Variants in ZNF865 observed in about 807,000 individuals in gnomAD.
The protein encoded by ZNF865 is zinc finger protein 865.
For synonymous variants in ZNF865, 763 were observed against 750.8 expected (o/e 1.02, Z -0.27); for missense variants, 1,311 against 1,593.4 (o/e 0.82, Z 3.02).
chr19:55,616,676 T>G lies in ZNF865; in HGVS notation c.3058T>G (p.Ser1020Ala), dbSNP rs1277189975. ...CCAGGGCGGCCGGCCCTTCCGCTGC[T>G]CCTCCTGCGGCGAGGGCTTCGCCAA... ...AHQGGRPFRC[S>A]SCGEGFANTY... The change falls in exon 2 of 2, where the codon TCC (serine) becomes GCC (alanine). Residue 1020 changes from serine to alanine, a missense_variant. Ser to Ala is a moderately conservative substitution (Grantham distance 99). Coordinates refer to ENST00000568956, the MANE Select transcript of ZNF865 (RefSeq NM_001195605.2). 6.5e-7 allele frequency: 1 copy of G among 1,530,080 alleles called. No homozygotes were observed. The highest frequency in any genetic ancestry group is 8.7e-7 in the Non-Finnish European group (1 of 1,144,342). The allele number at this position is 1,530,080 out of a possible 1,614,324, so 94.8% of individuals were successfully genotyped here.
At position 55,616,079 on chromosome 19, in the gene ZNF865, G is replaced by T. The variant is rs755151926; in HGVS notation, c.2461G>T (p.Gly821Cys). Residue 821 changes from glycine (G) to cysteine (C), a missense_variant, in exon 2 of 2, where the codon GGC (glycine) becomes TGC (cysteine). By Grantham distance (159) the Gly-to-Cys change is radical (BLOSUM62 -3). Coordinates refer to ENST00000568956, the MANE Select transcript of ZNF865 (RefSeq NM_001195605.2). ...KYVHLVRRTL[G>C]CGLCGQSFAG... ...CGTGCACCTGGTGCGACGGACCCTG[G>T]GCTGCGGCCTCTGCGGCCAGAGCTT... 6.7e-6 allele frequency: 10 copies of T among 1,501,152 alleles called. No homozygotes were observed. Among genetic ancestry groups the T allele is most frequent in the African/African-American group, 2.8e-5 (2 of 70,742 alleles). The allele number at this position is 1,501,152 out of a possible 1,614,324, so 93.0% of individuals were successfully genotyped here.
chr19:55,617,047 A>C lies in ZNF865; in HGVS notation c.*249A>C. 1 of 406,752 alleles carries C rather than the reference A, an allele frequency of 2.5e-6. No individual in the cohort carries two copies. The highest frequency in any genetic ancestry group is 2.1e-5 in the African/African-American group (1 of 48,328). The allele number at this position is 406,752 out of a possible 1,614,324, so 25.2% of individuals were successfully genotyped here. ...CGTCCAACCCTCGTTTGTGACCCGC[A>C]TCAGCCCCCGCCCCAGCAGCACTCT... On this transcript the variant is annotated 3_prime_UTR_variant, in exon 2 of 2. Coordinates refer to ENST00000568956, the MANE Select transcript of ZNF865 (RefSeq NM_001195605.2).
rs1980908779 is a variant in ZNF865, at chr19:55,605,674, C to G, written c.-85C>G. The stretch of plus-strand genomic sequence containing the variant: ...TTCCGGTCGGGCCCTCGGGTCTCCC[C>G]GGAGCGGCGGCGCCTCCTCCGCCTC... On this transcript the variant is annotated 5_prime_UTR_variant, in exon 1 of 2. Coordinates refer to ENST00000568956, the MANE Select transcript of ZNF865 (RefSeq NM_001195605.2). 6.6e-6 allele frequency: 1 copy of G among 151,940 alleles called. No homozygotes were observed. The highest frequency in any genetic ancestry group is 1.5e-5 in the Non-Finnish European group (1 of 67,932). The allele number at this position is 151,940 out of a possible 1,614,324, so 9.4% of individuals were successfully genotyped here.
intron 1 of ZNF865, chr19:55,612,401 T>C (rs1314468581): frequency 5.3e-5 from 8 of 152,262 alleles, no homozygotes; most frequent in African/African-American, 1.4e-4. Context: ...ATTAAAAGAG[T>C]GCACTCCCCA....
intron 1 of ZNF865, among the ~76,000 whole-genome samples, chr19:55,609,059 T>C (rs1981042262): frequency 1.3e-5 from 2 of 152,210 alleles, no homozygotes; most frequent in Admixed American, 6.5e-5. Flanking sequence ...AGTCTCACTC[T>C]GTCACCCAGG....
Position 55,615,706 on chromosome 19 carries a change from A to G in ZNF865, c.2088A>G (p.Pro696=), listed in dbSNP as rs375898663. 1.2e-5 allele frequency: 19 copies of G among 1,533,890 alleles called. No homozygotes were observed. Among genetic ancestry groups the G allele is most frequent in the Non-Finnish European group, 1.6e-5 (18 of 1,146,094 alleles). The change falls in exon 2 of 2, where the codon CCA becomes CCG. Residue 696 remains proline (P), a synonymous_variant. Coordinates refer to ENST00000568956, the MANE Select transcript of ZNF865 (RefSeq NM_001195605.2). ...SHKEVHMAEK[P]YGCDACGKTF... Reference sequence around the variant, plus strand: ...AGGAGGTCCACATGGCAGAGAAGCCATACGGCTGCGACGCCTGCGGCAAGA... The same window carrying G: ...AGGAGGTCCACATGGCAGAGAAGCCGTACGGCTGCGACGCCTGCGGCAAGA...
chr19:55,611,138 C>G lies in ZNF865; in HGVS notation c.-26-2455C>G, dbSNP rs924554372. On this transcript the variant is annotated intron_variant, in intron 1 of 1. Coordinates refer to ENST00000568956, the MANE Select transcript of ZNF865 (RefSeq NM_001195605.2). The surrounding 1 kb of genome is among the most constrained non-coding windows in gnomAD (Gnocchi z 4.5). ...GTGACCATGGCAACTCACTTTGCCT[C>G]TCCATGCCTTAGTTTTCTAATTTAT... 2.0e-5 allele frequency among the ~76,000 whole-genome samples: 3 copies of G among 152,164 alleles called. No homozygotes were observed. Among genetic ancestry groups the G allele is most frequent in the African/African-American group, 7.2e-5 (3 of 41,436 alleles).
rs1035827113 is a variant in ZNF865, at chr19:55,605,683, G to A, written c.-76G>A. On this transcript the variant is annotated 5_prime_UTR_variant, in exon 1 of 2. Transcript: ENST00000568956. ...GGCCCTCGGGTCTCCCCGGAGCGGC[G>A]GCGCCTCCTCCGCCTCCTCGGCCTC... 6.6e-6 allele frequency: 1 copy of A among 152,002 alleles called. No individual in the cohort carries two copies. The highest frequency in any genetic ancestry group is 2.4e-5 in the African/African-American group (1 of 41,388). 9.4% of individuals were successfully genotyped at this position (152,002 alleles called of 1,614,324 possible). A position where few individuals can be genotyped will look rare whatever the true frequency, so the allele number is the denominator to read the frequency against.
rs1981304707 is a variant in ZNF865, at chr19:55,615,150, C to T, written c.1532C>T (p.Ala511Val). 3.3e-6 allele frequency: 4 copies of T among 1,218,494 alleles called. No individual in the cohort carries two copies. The highest frequency in any genetic ancestry group is 1.6e-5 in the African/African-American group (1 of 61,262). 75.5% of individuals were successfully genotyped at this position (1,218,494 alleles called of 1,614,324 possible). The change falls in exon 2 of 2, where the codon GCG (alanine) becomes GTG (valine). Residue 511 changes from alanine (A) to valine (V), a missense_variant. Ala to Val is a moderately conservative substitution (Grantham distance 64, BLOSUM62 0). Transcript: ENST00000568956. ...TDSEKAAAAAAAVVYGAVPVP... is the reference protein window; with the variant it reads ...TDSEKAAAAAVAVVYGAVPVP... Reference sequence around the variant, plus strand: ...AGCGAGAAGGCGGCGGCGGCCGCGGCGGCGGTGGTGTACGGCGCTGTGCCC... The same window carrying T: ...AGCGAGAAGGCGGCGGCGGCCGCGGTGGCGGTGGTGTACGGCGCTGTGCCC...
At position 55,614,967 on chromosome 19, in the gene ZNF865, A is replaced by G. The variant is rs1490982280; in HGVS notation, c.1349A>G (p.Tyr450Cys). 6.9e-7 allele frequency: 1 copy of G among 1,446,942 alleles called. No homozygotes were observed. Among genetic ancestry groups the G allele is most frequent in the East Asian group, 2.9e-5 (1 of 35,052 alleles). 89.6% of individuals were successfully genotyped at this position (1,446,942 alleles called of 1,614,324 possible). Reference sequence around the variant, plus strand: ...CCCTGCGACCTGTGCGGCAAGTCCTACTCGGCTCCGCAGAGCCTGCTCCGC... The same window carrying G: ...CCCTGCGACCTGTGCGGCAAGTCCTGCTCGGCTCCGCAGAGCCTGCTCCGC... ...VYPCDLCGKSYSAPQSLLRHK... is the reference protein window; with the variant it reads ...VYPCDLCGKSCSAPQSLLRHK... The change falls in exon 2 of 2, where the codon TAC becomes TGC. Residue 450 changes from tyrosine to cysteine, a missense_variant. Physicochemically the swap from Tyr to Cys is radical, Grantham distance 194 (BLOSUM62 -2). Coordinates refer to ENST00000568956, the MANE Select transcript of ZNF865 (RefSeq NM_001195605.2). The surrounding 1 kb of genome is among the most constrained non-coding windows in gnomAD (Gnocchi z 8.0).
rs1225255678 is a variant in ZNF865 at position 55,614,146 on chromosome 19, G to C, written c.528G>C (p.Gly176=). 6.9e-7 allele frequency: 1 copy of C among 1,441,284 alleles called. No homozygotes were observed. The highest frequency in any genetic ancestry group is 1.5e-5 in the African/African-American group (1 of 67,362). 89.3% of individuals were successfully genotyped at this position (1,441,284 alleles called of 1,614,324 possible). Residue 176 remains glycine, a synonymous_variant, in exon 2 of 2, where the codon GGG becomes GGC. Coordinates refer to ENST00000568956, the MANE Select transcript of ZNF865 (RefSeq NM_001195605.2). The surrounding 1 kb of genome is among the most constrained non-coding windows in gnomAD (Gnocchi z 8.0). ...GPASGPGVTP[G]LGAPAGAPGP... is the part of the protein sequence containing the mutation. ...CGTCCGGGCCGGGGGTGACGCCTGGGCTGGGCGCTCCCGCGGGGGCCCCAG... is the reference window on the plus strand; with the variant it reads ...CGTCCGGGCCGGGGGTGACGCCTGGCCTGGGCGCTCCCGCGGGGGCCCCAG...
Position 55,607,876 on chromosome 19 carries a change from A to G in ZNF865, c.-27+2144A>G, listed in dbSNP as rs765586299. 5.9e-5 allele frequency among the ~76,000 whole-genome samples: 9 copies of G among 152,280 alleles called. No individual in the cohort carries two copies. In the South Asian group the frequency reaches 6.2e-4, roughly 11 times the overall value. ...AATCACTCCCTCCTTTCCTAGCCTC[A>G]TTCATTCACTTCTTCAAACAAAAAT... On this transcript the variant is annotated intron_variant, in intron 1 of 1. Transcript: ENST00000568956.
chr19:55,610,536 C>G (rs563661458), intron 1 of ZNF865, among the ~76,000 whole-genome samples: 2 of 152,346 alleles, frequency 1.3e-5, no homozygotes, highest in East Asian at 3.9e-4. Flanking sequence ...GCCGGGATTA[C>G]AGGTGTGGGC....
rs375898663 is a variant in ZNF865, at chr19:55,615,706, A to C, written c.2088A>C (p.Pro696=). ...SHKEVHMAEK[P]YGCDACGKTF... ...AGGAGGTCCACATGGCAGAGAAGCCATACGGCTGCGACGCCTGCGGCAAGA... is the reference window on the plus strand; with the variant it reads ...AGGAGGTCCACATGGCAGAGAAGCCCTACGGCTGCGACGCCTGCGGCAAGA... Residue 696 remains proline (P), a synonymous_variant, in exon 2 of 2, where the codon CCA becomes CCC. Coordinates refer to ENST00000568956, the MANE Select transcript of ZNF865 (RefSeq NM_001195605.2). 7.0e-5 allele frequency: 108 copies of C among 1,533,890 alleles called. No individual in the cohort carries two copies. In the South Asian group the frequency reaches 7.2e-4, roughly 10 times the overall value.
Position 55,613,626 on chromosome 19 carries a change from C to A in ZNF865, c.8C>A (p.Ala3Glu). Residue 3 changes from alanine to glutamate, a missense_variant, in exon 2 of 2, where the codon GCG becomes GAG. Coordinates refer to ENST00000568956, the MANE Select transcript of ZNF865 (RefSeq NM_001195605.2). ME[A>E]NPAGSGAGGG... ...GTCTCCCACCCGCCGGAGATGGAGG[C>A]GAACCCAGCGGGCAGCGGCGCCGGG... 2.0e-6 allele frequency: 3 copies of A among 1,517,444 alleles called. No homozygotes were observed. Among genetic ancestry groups the A allele is most frequent in the Non-Finnish European group, 2.6e-6 (3 of 1,137,510 alleles). The allele number at this position is 1,517,444 out of a possible 1,614,324, so 94.0% of individuals were successfully genotyped here.
At position 55,616,601 on chromosome 19, in the gene ZNF865, C is replaced by T. The variant is rs1981369333; in HGVS notation, c.2983C>T (p.Leu995Phe). 10 of 1,527,154 alleles carry T rather than the reference C, an allele frequency of 6.5e-6. No individual in the cohort carries two copies. In the East Asian group the frequency reaches 2.5e-4, roughly 37 times the overall value. 94.6% of individuals were successfully genotyped at this position (1,527,154 alleles called of 1,614,324 possible). ...PRPELRCPAC[L>F]KAFKDPGYFR... ...GCCCGAGCTCCGCTGCCCCGCCTGC[C>T]TCAAGGCCTTCAAGGATCCCGGCTA... Residue 995 changes from leucine to phenylalanine, a missense_variant, in exon 2 of 2, where the codon CTC becomes TTC. By Grantham distance (22) the Leu-to-Phe change is conservative. Coordinates refer to ENST00000568956, the MANE Select transcript of ZNF865 (RefSeq NM_001195605.2).
Position 55,613,580 on chromosome 19 carries a change from C to G in ZNF865, c.-26-13C>G, listed in dbSNP as rs1157944451. On this transcript the variant is annotated splice_polypyrimidine_tract_variant and intron_variant, in intron 1 of 1. Transcript: ENST00000568956. ...CCGCGGCCGTGTCCTCAGCCCCGTCCTCCTCTTCACAGGGTCTCCCGTCTC... is the reference window on the plus strand; with the variant it reads ...CCGCGGCCGTGTCCTCAGCCCCGTCGTCCTCTTCACAGGGTCTCCCGTCTC... 5.4e-6 allele frequency: 8 copies of G among 1,484,062 alleles called. No homozygotes were observed. The highest frequency in any genetic ancestry group is 4.0e-5 in the South Asian group (3 of 74,924). 91.9% of individuals were successfully genotyped at this position (1,484,062 alleles called of 1,614,324 possible).
At position 55,615,084 on chromosome 19, in the gene ZNF865, C is replaced by G. The variant is rs889722507; in HGVS notation, c.1466C>G (p.Pro489Arg). The G allele has an allele frequency of 6.6e-5, 80 of 1,208,152 alleles. 2 individuals carry two copies. Among genetic ancestry groups the G allele is most frequent in the Non-Finnish European group, 5.0e-5 (49 of 970,394 alleles). 74.8% of individuals were successfully genotyped at this position (1,208,152 alleles called of 1,614,324 possible). A position where few individuals can be genotyped will look rare whatever the true frequency, so the allele number is the denominator to read the frequency against. ...CCGCAGCCCCCGCCCACCTTCCCCC[C>G]GGGCCCGTACCTCCTGCCCCCCGAC... ...SAPQPPPTFP[P>R]GPYLLPPDPP... Residue 489 changes from proline to arginine, a missense_variant, in exon 2 of 2, where the codon CCG becomes CGG. Coordinates refer to ENST00000568956, the MANE Select transcript of ZNF865 (RefSeq NM_001195605.2).
Position 55,614,912 on chromosome 19 carries a change from G to A in ZNF865, c.1294G>A (p.Ala432Thr), listed in dbSNP as rs1568526530. Residue 432 changes from alanine (A) to threonine (T), a missense_variant, in exon 2 of 2, where the codon GCG (alanine) becomes ACG (threonine). Transcript: ENST00000568956. This position sits in a 1 kb window ranked among gnomAD's most constrained non-coding sequence, Gnocchi z 8.0. Reference protein sequence around the residue: ...LLKHQAAHAGAGAGGPRPVYP... With the variant: ...LLKHQAAHAGTGAGGPRPVYP... ...CAAGCACCAGGCGGCCCACGCGGGG[G>A]CGGGCGCCGGGGGGCCTCGGCCCGT... The A allele has an allele frequency of 1.3e-6, 2 of 1,486,306 alleles. No individual in the cohort carries two copies. The highest frequency in any genetic ancestry group is 1.4e-5 in the African/African-American group (1 of 70,786). 92.1% of individuals were successfully genotyped at this position (1,486,306 alleles called of 1,614,324 possible). A position where few individuals can be genotyped will look rare whatever the true frequency, so the allele number is the denominator to read the frequency against.
Sources: allele counts gnomAD v4.1 joint callset (sites outside exome capture counted in the v4.1 genomes callset), GRCh38; gene constraint gnomAD v4.1.1; non-coding constraint Gnocchi (gnomAD v3.1); transcripts MANE v1.5; gene names NCBI Gene and HGNC (gene_info 2026-07-23, HGNC 2026-07-21).